Variants in CCNY observed in about 807,000 individuals in gnomAD.
CCNY encodes the protein cyclin-Y.
CCNY carries 19 observed loss-of-function variants against 42.8 expected under a neutral mutation model. The observed-to-expected ratio is 0.44, with a 90% CI of 0.31 to 0.65. The LOEUF is 0.65. Ranked by LOEUF, CCNY falls within the 30% of genes least tolerant of loss-of-function variation. The probability of loss-of-function intolerance (pLI) is 0.07; values close to 1 mark genes in which losing one functional copy is unlikely to be tolerated. For missense variants in CCNY, 370 were observed against 437.3 expected (o/e 0.85, Z 1.37); for synonymous variants, 165 against 162.7 (o/e 1.01, Z -0.11).
At chr10:35,543,117 A>G (rs967916743) in intron 7 of CCNY, among the ~76,000 whole-genome samples, 7 of 152,198 alleles carry the variant, frequency 4.6e-5, no homozygotes, top group Non-Finnish European at 7.4e-5. Flanking sequence ...ATAATCTTGT[A>G]TATTTGTTTA....
chr10:35,562,860 G>T lies in CCNY; in HGVS notation c.747-3163G>T, dbSNP rs561695042. ...TAGAAAAGTAGGCAGCATATTAGAT[G>T]ATTAAAACAGCTCTTTTTAACATCA... On this transcript the variant is annotated intron_variant, in intron 8 of 9. Transcript: ENST00000374704. Among the ~76,000 whole-genome samples the T allele has an allele frequency of 2.3e-5, 3 of 130,310 alleles. No individual in the cohort carries two copies. The South Asian group carries it at 7.0e-4, about 31-fold the overall frequency. 85.5% of individuals were successfully genotyped at this position (130,310 alleles called of 152,430 possible). A position where few individuals can be genotyped will look rare whatever the true frequency, so the allele number is the denominator to read the frequency against.
At chr10:35,451,197 A>G (rs1276924038) in intron 1 of CCNY, among the ~76,000 whole-genome samples, 2 of 152,234 alleles carry the variant, frequency 1.3e-5, no homozygotes, top group Admixed American at 1.3e-4. Flanking sequence ...GTGTTTATAT[A>G]AATTGTGAAA....
At chr10:35,555,542 T>G (rs1450825561) in intron 8 of CCNY, among the ~76,000 whole-genome samples, 1 of 152,236 alleles carries the variant, frequency 6.6e-6, no homozygotes, top group Non-Finnish European at 1.5e-5. Flanking sequence ...TTTTCTGCGT[T>G]AATTCACATC....
chr10:35,365,241 G>A (rs549076957), intron 1 of CCNY, among the ~76,000 whole-genome samples: 6 of 152,282 alleles, frequency 3.9e-5, no homozygotes, highest in Admixed American at 2.0e-4. Flanking sequence ...TTGAAAGAAA[G>A]CAAGAGTAAC....
At chr10:35,251,789 A>G (rs2095712237) in intron 3 of CCNY, among the ~76,000 whole-genome samples, 1 of 151,702 alleles carries the variant, frequency 6.6e-6, no homozygotes, top group Admixed American at 6.6e-5. Context: ...GAGTTTCATT[A>G]TGTTGCCCGG....
intron 3 of CCNY, among the ~76,000 whole-genome samples, chr10:35,303,230 G>C (rs1031876833): frequency 6.6e-6 from 1 of 151,854 alleles, no homozygotes; most frequent in Non-Finnish European, 1.5e-5. Context: ...GCCCAGGCTG[G>C]AGTGCAATGG....
intron 7 of CCNY, among the ~76,000 whole-genome samples, chr10:35,540,564 C>CTTTTTTT (rs561129843): frequency 1.4e-5 from 2 of 144,808 alleles, no homozygotes; most frequent in African/African-American, 5.1e-5. Flanking sequence ...ATTCCTTCTA[C>CTTTTTTT]TTTTTTTTTT....
At position 35,569,300 on chromosome 10, in the gene CCNY, G is replaced by C. The variant is rs1040752620; in HGVS notation, c.*130G>C. On this transcript the variant is annotated 3_prime_UTR_variant, in exon 10 of 10. Transcript: ENST00000374704. ...TTTTTACGCATAGCTCCGTCAAGCT[G>C]CCTGGATGAGCGCCCATGCAGCAAG... 3.1e-6 allele frequency: 2 copies of C among 648,014 alleles called. No homozygotes were observed. The highest frequency in any genetic ancestry group is 4.7e-5 in the Admixed American group (2 of 42,456). 40.1% of individuals were successfully genotyped at this position (648,014 alleles called of 1,614,324 possible).
intron 1 of CCNY, among the ~76,000 whole-genome samples, chr10:35,378,110 A>G (rs1032219293): frequency 1.3e-5 from 2 of 152,174 alleles, no homozygotes; most frequent in African/African-American, 4.8e-5. Context: ...AAGTTTATTG[A>G]TCTGTCTTAT....
intron 1 of CCNY, among the ~76,000 whole-genome samples, chr10:35,404,954 G>A (rs942290337): frequency 6.6e-6 from 1 of 152,120 alleles, no homozygotes; most frequent in African/African-American, 2.4e-5. Flanking sequence ...CTGGTATGAA[G>A]GGTGCAAAGG....
intron 3 of CCNY, among the ~76,000 whole-genome samples, chr10:35,515,298 C>G (rs1840405164): frequency 6.6e-6 from 1 of 152,138 alleles, no homozygotes; most frequent in South Asian, 2.1e-4. Flanking sequence ...CAGCGCAGTG[C>G]TAACTGTGAT....
At chr10:35,507,094 T>TC (rs1840230040) in intron 3 of CCNY, among the ~76,000 whole-genome samples, 1 of 152,112 alleles carries the variant, frequency 6.6e-6, no homozygotes, top group Admixed American at 6.5e-5. Flanking sequence ...AGTTTTCAAC[T>TC]CCATCACCTT....
At chr10:35,527,685 G>A (rs1840680280) in intron 5 of CCNY, among the ~76,000 whole-genome samples, 1 of 152,210 alleles carries the variant, frequency 6.6e-6, no homozygotes. Context: ...TGCACCAAAA[G>A]TAAGTGAGTG....
rs975281318 is a variant in CCNY, at chr10:35,568,968, A to C, written c.910-86A>C. ...GGGGCAGGGGCTCTGCCTGTCCCTC[A>C]TGCAGCGCCCTCGGCGCCCAGGACG... On this transcript the variant is annotated intron_variant, in intron 9 of 9. Coordinates refer to ENST00000374704, the MANE Select transcript of CCNY (RefSeq NM_145012.6). 9 of 853,336 alleles carry C rather than the reference A, an allele frequency of 1.1e-5. No individual in the cohort carries two copies. In the East Asian group the frequency reaches 2.2e-4, roughly 21 times the overall value. The allele number at this position is 853,336 out of a possible 1,614,324, so 52.9% of individuals were successfully genotyped here.
At chr10:35,471,745 T>C (rs2135346565) in intron 1 of CCNY, among the ~76,000 whole-genome samples, 1 of 152,336 alleles carries the variant, frequency 6.6e-6, no homozygotes, top group Non-Finnish European at 1.5e-5. Context: ...TTAATTCAGC[T>C]GTGTGTCTTA....
Position 35,489,719 on chromosome 10 carries a change from C to G in CCNY, c.229+6241C>G, listed in dbSNP as rs189716196. On this transcript the variant is annotated intron_variant, in intron 2 of 9. Coordinates refer to ENST00000374704, the MANE Select transcript of CCNY (RefSeq NM_145012.6). Reference sequence around the variant, plus strand: ...AGGGATTTGTCAGCCAAAATAATTCCTAATAATCAGCTACAGTTCAGTTTT... The same window carrying G: ...AGGGATTTGTCAGCCAAAATAATTCGTAATAATCAGCTACAGTTCAGTTTT... Among the ~76,000 whole-genome samples the G allele has an allele frequency of 2.0e-3, 303 of 152,112 alleles. 3 individuals are homozygous for G. Among genetic ancestry groups the G allele is most frequent in the Non-Finnish European group, 3.1e-3 (211 of 68,002 alleles).
chr10:35,366,674 C>G (rs764235792), intron 1 of CCNY, among the ~76,000 whole-genome samples: 2 of 152,310 alleles, frequency 1.3e-5, no homozygotes, highest in South Asian at 2.1e-4. Context: ...CCATTTTACC[C>G]TCTTGGAACT....
intron 1 of CCNY, among the ~76,000 whole-genome samples, chr10:35,419,521 A>G (rs1432778545): frequency 7.8e-6 from 1 of 128,012 alleles, no homozygotes; most frequent in Non-Finnish European, 1.6e-5. Context: ...ACTGGGTTGC[A>G]TTAGACCGTT....
At chr10:35,342,330 C>T (rs1318219922) in intron 1 of CCNY, among the ~76,000 whole-genome samples, 28 of 152,200 alleles carry the variant, frequency 1.8e-4, no homozygotes, top group Non-Finnish European at 1.5e-5. Flanking sequence ...CAGAACATAC[C>T]GTGGACTTTC....
Sources: allele counts gnomAD v4.1 joint callset (sites outside exome capture counted in the v4.1 genomes callset), GRCh38; gene constraint gnomAD v4.1.1; transcripts MANE v1.5; gene names NCBI Gene and HGNC (gene_info 2026-07-23, HGNC 2026-07-21).